VPS18: variants seen among roughly 807,000 people sequenced by gnomAD.
The protein encoded by VPS18 is vacuolar protein sorting-associated protein 18 homolog.
Under a neutral mutation model 82.0 loss-of-function variants are expected in VPS18, and 25 were observed. The ratio of observed to expected loss-of-function variants is 0.30; its 90% CI spans 0.22 to 0.43. The LOEUF is 0.43. Ranked by LOEUF, VPS18 falls within the 20% of genes least tolerant of loss-of-function variation. The probability of loss-of-function intolerance (pLI) is 1.00; values close to 1 mark genes in which losing one functional copy is unlikely to be tolerated. For missense variants in VPS18, 1,168 were observed against 1,311.1 expected (o/e 0.89, Z 1.69); for synonymous variants, 523 against 543.0 (o/e 0.96, Z 0.51).
chr15:40,898,164 C>A (rs1180996565), intron 2 of VPS18, among the ~76,000 whole-genome samples: 1 of 152,014 alleles, frequency 6.6e-6, no homozygotes, highest in Non-Finnish European at 1.5e-5. Flanking sequence ...GATGTGATTT[C>A]ACCGTGGTCT....
chr15:40,897,033 C>T (rs985155184), intron 2 of VPS18, among the ~76,000 whole-genome samples: 4 of 152,114 alleles, frequency 2.6e-5, no homozygotes, highest in African/African-American at 4.8e-5. Context: ...AGGTGGCTCA[C>T]GCCTGTAATC....
rs760357403 is a variant in VPS18 at position 40,903,172 on chromosome 15, C to T, written c.2753C>T (p.Ala918Val). Residue 918 changes from alanine to valine, a missense_variant, in exon 5 of 5, where the codon GCC (alanine) becomes GTC (valine). By Grantham distance (64) the Ala-to-Val change is moderately conservative (BLOSUM62 0). This residue lies in a region of VPS18 where 296 missense variants were observed against 354.0 expected (regional missense o/e 0.84). Transcript: ENST00000220509. The part of the protein sequence containing the change: ...PAKGSARAKE[A>V]EGGAATAGPS... ...AAGGGCTCTGCCCGGGCCAAGGAGG[C>T]CGAGGGTGGGGCTGCCACGGCAGGG... 9 of 1,606,424 alleles carry T rather than the reference C, an allele frequency of 5.6e-6. No homozygotes were observed. The highest frequency in any genetic ancestry group is 4.3e-6 in the Non-Finnish European group (5 of 1,176,322).
chr15:40,902,947 G>A lies in VPS18; in HGVS notation c.2528G>A (p.Arg843His), dbSNP rs1259245357. ...CGAGACCTGCAGGAGCTGCGGGGCC[G>A]CTACGGCACTGTGGAGCCCCAGGAC... ...IRRDLQELRG[R>H]YGTVEPQDKC... Residue 843 changes from arginine to histidine, a missense_variant, in exon 5 of 5, where the codon CGC (arginine) becomes CAC (histidine). Around this residue, in one of 3 missense-constraint regions of VPS18, gnomAD observed 296 missense variants for 354.0 expected, o/e 0.84. Transcript: ENST00000220509. The surrounding 1 kb of genome is among the most constrained non-coding windows in gnomAD (Gnocchi z 4.2). 6.8e-6 allele frequency: 11 copies of A among 1,614,148 alleles called. No homozygotes were observed. In the South Asian group the frequency reaches 9.9e-5, roughly 14 times the overall value.
In VPS18 at chr15:40,894,699, CG is replaced by C; in HGVS notation, c.-66del. 1 of 1,444,896 alleles carries C rather than the reference CG, an allele frequency of 6.9e-7. No individual in the cohort carries two copies. Among genetic ancestry groups the C allele is most frequent in the Non-Finnish European group, 9.2e-7 (1 of 1,083,828 alleles). 89.5% of individuals were successfully genotyped at this position (1,444,896 alleles called of 1,614,324 possible). A position where few individuals can be genotyped will look rare whatever the true frequency, so the allele number is the denominator to read the frequency against. On this transcript the variant is annotated 5_prime_UTR_variant, in exon 1 of 5. Coordinates refer to ENST00000220509, the MANE Select transcript of VPS18 (RefSeq NM_020857.3). ...AGTTACAGCTTCCATTCTGGGGCGACGGGGACCCCGGGGGGGTAGCCCTTTT... is the reference window on the plus strand; with the variant it reads ...AGTTACAGCTTCCATTCTGGGGCGACGGGACCCCGGGGGGGTAGCCCTTTT...
At chr15:40,896,535 G>GA (rs1353122110) in intron 2 of VPS18, among the ~76,000 whole-genome samples, 3 of 151,446 alleles carry the variant, frequency 2.0e-5, no homozygotes, top group Admixed American at 1.3e-4. Context: ...AAAAAGTCAG[G>GA]TGCAGTGGCT....
chr15:40,899,640 C>A lies in VPS18; in HGVS notation c.822C>A (p.Thr274=). 6.2e-7 allele frequency: 1 copy of A among 1,612,766 alleles called. No individual in the cohort carries two copies. Among genetic ancestry groups the A allele is most frequent in the South Asian group, 1.1e-5 (1 of 91,090 alleles). ...GCTACAGTGAGTTGGCCTTCTACAC[C>A]CCCAAGCTGCGCTCCGCACCCCGGG... The part of the protein sequence containing the change: ...NLGYSELAFY[T]PKLRSAPRAF... The change falls in exon 4 of 5, where the codon ACC becomes ACA. Residue 274 remains threonine, a synonymous_variant. Coordinates refer to ENST00000220509, the MANE Select transcript of VPS18 (RefSeq NM_020857.3). The surrounding 1 kb of genome is among the most constrained non-coding windows in gnomAD (Gnocchi z 4.4).
chr15:40,896,224 A>G, intron 2 of VPS18, 145 bp downstream of exon 2: 1 of 1,221,530 alleles, frequency 8.2e-7, no homozygotes. Flanking sequence ...TCCAAAGAGA[A>G]CCAATACAGG....
chr15:40,900,846 G>C lies in VPS18; in HGVS notation c.2028G>C (p.Pro676=). 6.2e-7 allele frequency: 1 copy of C among 1,614,144 alleles called. No homozygotes were observed. The highest frequency in any genetic ancestry group is 8.5e-7 in the Non-Finnish European group (1 of 1,180,034). ...YLLSLYARGR[P]DSLLAYLEQA... ...TGTCACTGTATGCCCGTGGCCGGCC[G>C]GACTCACTACTGGCCTATCTGGAGC... Residue 676 remains proline (P), a synonymous_variant, in exon 4 of 5, where the codon CCG becomes CCC. Coordinates refer to ENST00000220509, the MANE Select transcript of VPS18 (RefSeq NM_020857.3). The surrounding 1 kb of genome is among the most constrained non-coding windows in gnomAD (Gnocchi z 5.4).
chr15:40,895,717 GA>G (rs1892217789), intron 1 of VPS18, among the ~76,000 whole-genome samples: 1 of 152,168 alleles, frequency 6.6e-6, no homozygotes, highest in Admixed American at 6.5e-5. Context: ...AGGGTTCAAA[GA>G]ATCAACCCCT....
chr15:40,895,922 C>T lies in VPS18; in HGVS notation c.92-16C>T. 10 of 1,613,988 alleles carry T rather than the reference C, an allele frequency of 6.2e-6. 1 individual carries two copies. The South Asian group carries it at 1.1e-4, about 18-fold the overall frequency. On this transcript the variant is annotated splice_polypyrimidine_tract_variant and intron_variant, in intron 1 of 4. Coordinates refer to ENST00000220509, the MANE Select transcript of VPS18 (RefSeq NM_020857.3). ...TCTCTTCCACAGCTAATCTTCTTGTCATTCCTTACCTGTAGGGTATGTGAA... is the reference window on the plus strand; with the variant it reads ...TCTCTTCCACAGCTAATCTTCTTGTTATTCCTTACCTGTAGGGTATGTGAA...
chr15:40,898,638 T>C, intron 2 of VPS18: 1 of 464,584 alleles, frequency 2.2e-6, no homozygotes, highest in Non-Finnish European at 4.0e-6. Context: ...ACCTTGCTAA[T>C]TTTCTTGTAT....
intron 1 of VPS18, among the ~76,000 whole-genome samples, chr15:40,895,736 G>A (rs953388036): frequency 6.6e-6 from 1 of 152,224 alleles, no homozygotes; most frequent in African/African-American, 2.4e-5. Flanking sequence ...CCTCACTGCT[G>A]TCAGAGTGTG....
Position 40,900,326 on chromosome 15 carries a change from T to C in VPS18, c.1508T>C (p.Leu503Pro). 6.2e-7 allele frequency: 1 copy of C among 1,613,630 alleles called. No individual in the cohort carries two copies. The highest frequency in any genetic ancestry group is 8.5e-7 in the Non-Finnish European group (1 of 1,179,992). ...CTGACAGAGCTCTACCTGAGCCGGC[T>C]TGGGGCTCTGCAGGGCGACCCAGAG... is the stretch of plus-strand genomic sequence containing the variant. The part of the protein sequence containing the change: ...TWLTELYLSR[L>P]GALQGDPEAL... Residue 503 changes from leucine to proline, a missense_variant, in exon 4 of 5, where the codon CTT (leucine) becomes CCT (proline). By Grantham distance (98) the Leu-to-Pro change is moderately conservative. Coordinates refer to ENST00000220509, the MANE Select transcript of VPS18 (RefSeq NM_020857.3). The surrounding 1 kb of genome is among the most constrained non-coding windows in gnomAD (Gnocchi z 5.4).
At chr15:40,898,537 T>G in intron 2 of VPS18, 5 of 299,138 alleles carry the variant, frequency 1.7e-5, no homozygotes, top group South Asian at 9.6e-5. Context: ...AGTGGTGTAG[T>G]CTCAGCTCAC....
At position 40,902,993 on chromosome 15, in the gene VPS18, C is replaced by T. The variant is rs1312469324; in HGVS notation, c.2574C>T (p.Phe858=). The T allele has an allele frequency of 6.2e-7, 1 of 1,614,274 alleles. No homozygotes were observed. The highest frequency in any genetic ancestry group is 8.5e-7 in the Non-Finnish European group (1 of 1,180,050). ...EPQDKCATCD[F]PLLNRPFYLF... ...AGGACAAATGTGCCACCTGCGACTT[C>T]CCCCTGCTCAACCGCCCTTTTTACC... Residue 858 remains phenylalanine (F), a synonymous_variant, in exon 5 of 5, where the codon TTC becomes TTT. Coordinates refer to ENST00000220509, the MANE Select transcript of VPS18 (RefSeq NM_020857.3). This position sits in a 1 kb window ranked among gnomAD's most constrained non-coding sequence, Gnocchi z 4.2.
At chr15:40,897,500 T>TGAAAAAA (rs1476967284) in intron 2 of VPS18, among the ~76,000 whole-genome samples, 1 of 152,168 alleles carries the variant, frequency 6.6e-6, no homozygotes, top group Non-Finnish European at 1.5e-5. Context: ...GTTATGAGTA[T>TGAAAAAA]GAAAAAAGAT....
chr15:40,894,759 G>T lies in VPS18; in HGVS notation c.-10G>T. 6.5e-7 allele frequency: 1 copy of T among 1,546,158 alleles called. No individual in the cohort carries two copies. On this transcript the variant is annotated 5_prime_UTR_variant, in exon 1 of 5. Transcript: ENST00000220509. ...CAGGCCCCGGACAAAGAGCCCAGAG[G>T]CCGGGCACCATGGCGTCCATCCTGG... is the stretch of plus-strand genomic sequence containing the variant.
chr15:40,898,902 CA>C lies in VPS18; in HGVS notation c.234-4del. 1 of 1,613,714 alleles carries C rather than the reference CA, an allele frequency of 6.2e-7. No individual in the cohort carries two copies. The highest frequency in any genetic ancestry group is 1.7e-5 in the Admixed American group (1 of 59,948). On this transcript the variant is annotated splice_region_variant and splice_polypyrimidine_tract_variant and intron_variant, in intron 2 of 4. Coordinates refer to ENST00000220509, the MANE Select transcript of VPS18 (RefSeq NM_020857.3). ...CTAAAGTGATGGTGACGCTTGTCCC[CA>C]CAGCATTGACTTGGGCAAGGCAAAT...
chr15:40,900,180 G>A lies in VPS18; in HGVS notation c.1362G>A (p.Glu454=), dbSNP rs1892323146. 8 of 1,613,874 alleles carry A rather than the reference G, an allele frequency of 5.0e-6. No individual in the cohort carries two copies. The highest frequency in any genetic ancestry group is 6.8e-6 in the Non-Finnish European group (8 of 1,180,030). ...ATGCCCTGACCCAGAGCTACTTTGA[G>A]GAGATTGCCCTCAAGTTCCTGGAGG... is the stretch of plus-strand genomic sequence containing the variant. ...RCYALTQSYF[E]EIALKFLEAR... Residue 454 remains glutamate (E), a synonymous_variant, in exon 4 of 5, where the codon GAG becomes GAA. Transcript: ENST00000220509. This position sits in a 1 kb window ranked among gnomAD's most constrained non-coding sequence, Gnocchi z 5.4.
Sources: gnomAD v4.1 joint callset for allele counts (sites outside exome capture counted in the v4.1 genomes callset) on GRCh38, gnomAD v4.1.1 for gene constraint, gnomAD v4.1.1 regional missense constraint, Gnocchi (gnomAD v3.1) non-coding constraint, MANE v1.5 for transcripts, NCBI Gene and HGNC (gene_info 2026-07-23, HGNC 2026-07-21) for gene names.